Variants in THSD4 observed in about 807,000 individuals in gnomAD.
THSD4 encodes the protein thrombospondin type 1 domain containing 4.
A neutral mutation model predicts 119.0 loss-of-function variants in THSD4; 69 were observed. That is an observed-to-expected ratio of 0.58 (90% confidence interval 0.48 to 0.71). The LOEUF is 0.71. Ranked by LOEUF, THSD4 falls within the 30% of genes least tolerant of loss-of-function variation. The pLI is 0.00. For synonymous variants in THSD4, 524 were observed against 540.4 expected (o/e 0.97, Z 0.42); for missense variants, 1,393 against 1,391.1 (o/e 1.00, Z -0.02).
At chr15:71,341,393 A>G in intron 6 of THSD4, 16 of 1,612,166 alleles carry the variant, frequency 9.9e-6, no homozygotes, top group Non-Finnish European at 1.4e-5. Context: ...ATCTACATCT[A>G]AACCCTTAAG....
intron 3 of THSD4, among the ~76,000 whole-genome samples, chr15:71,173,508 G>A (rs1482378523): frequency 6.7e-6 from 1 of 150,270 alleles, no homozygotes; most frequent in Non-Finnish European, 1.5e-5. Context: ...TGGTGTAAAG[G>A]TAGGCAAATA....
chr15:71,775,649 T>A (rs1018013995), intron 17 of THSD4, among the ~76,000 whole-genome samples: 6 of 152,152 alleles, frequency 3.9e-5, no homozygotes, highest in African/African-American at 1.4e-4. Flanking sequence ...AGGCAGAGAT[T>A]GCAATGAGCT....
At chr15:71,375,209 C>A (rs2046115955) in intron 6 of THSD4, among the ~76,000 whole-genome samples, 1 of 152,198 alleles carries the variant, frequency 6.6e-6, no homozygotes, top group Admixed American at 6.5e-5. Flanking sequence ...AAGTATGTTA[C>A]AGTTTACATG....
At chr15:71,119,441 C>A (rs113060011) in intron 1 of THSD4, among the ~76,000 whole-genome samples, 1 of 152,166 alleles carries the variant, frequency 6.6e-6, no homozygotes, top group Non-Finnish European at 1.5e-5. Flanking sequence ...TGGGTTAATA[C>A]GCCACTTTAT....
At chr15:71,537,290 A>G (rs1404461164) in intron 7 of THSD4, among the ~76,000 whole-genome samples, 1 of 152,158 alleles carries the variant, frequency 6.6e-6, no homozygotes, top group Non-Finnish European at 1.5e-5. Context: ...CAACAGAAGT[A>G]GCCTTTGCAA....
chr15:71,121,640 C>T (rs1307106882), intron 1 of THSD4, among the ~76,000 whole-genome samples: 2 of 152,132 alleles, frequency 1.3e-5, no homozygotes, highest in Non-Finnish European at 2.9e-5. Flanking sequence ...TGTCAGACTA[C>T]TTGTGGGCTG....
intron 7 of THSD4, among the ~76,000 whole-genome samples, chr15:71,650,545 A>G (rs995676630): frequency 6.6e-6 from 1 of 152,176 alleles, no homozygotes; most frequent in Non-Finnish European, 1.5e-5. Flanking sequence ...AAGGAGATGA[A>G]TAACTCCTCC....
At chr15:71,401,590 C>T (rs551070085) in intron 6 of THSD4, among the ~76,000 whole-genome samples, 115 of 152,148 alleles carry the variant, frequency 7.6e-4, no homozygotes, top group Middle Eastern at 3.4e-3. Context: ...AAATGAAGAT[C>T]TTCATGAAAC....
chr15:71,475,553 T>C (rs1007761022), intron 7 of THSD4, among the ~76,000 whole-genome samples: 6 of 152,178 alleles, frequency 3.9e-5, no homozygotes, highest in Non-Finnish European at 7.3e-5. Flanking sequence ...TCTGCATTTT[T>C]AACAGGTTCT....
chr15:71,543,676 A>C (rs1443086929), intron 7 of THSD4, among the ~76,000 whole-genome samples: 2 of 152,232 alleles, frequency 1.3e-5, no homozygotes, highest in Non-Finnish European at 2.9e-5. Context: ...CCATTAGGCA[A>C]CTGGGTATAT....
chr15:71,468,208 T>C (rs111679995), intron 7 of THSD4, among the ~76,000 whole-genome samples: 2,704 of 152,306 alleles, frequency 0.018, 56 homozygotes, highest in South Asian at 0.068. Context: ...CCTGCTGCCA[T>C]GTAAGATGTG....
intron 7 of THSD4, among the ~76,000 whole-genome samples, chr15:71,555,672 A>G (rs1378903913): frequency 6.6e-6 from 1 of 152,102 alleles, no homozygotes; most frequent in African/African-American, 2.4e-5. Flanking sequence ...CTTTGTGTTA[A>G]CACTCTCTTT....
chr15:71,325,379 G>A (rs890931210), intron 6 of THSD4, among the ~76,000 whole-genome samples: 2 of 152,130 alleles, frequency 1.3e-5, no homozygotes, highest in Non-Finnish European at 2.9e-5. Flanking sequence ...CTTACCCAGT[G>A]CCAACCAGTC....
chr15:71,681,741 C>T (rs1397561771), intron 8 of THSD4, among the ~76,000 whole-genome samples: 4 of 151,308 alleles, frequency 2.6e-5, no homozygotes, highest in Non-Finnish European at 4.4e-5. Context: ...GAACTAAGAT[C>T]AAGCACCGTT....
At chr15:71,247,346 G>T (rs1048993455) in intron 5 of THSD4, among the ~76,000 whole-genome samples, 1 of 152,168 alleles carries the variant, frequency 6.6e-6, no homozygotes, top group Non-Finnish European at 1.5e-5. Flanking sequence ...TAACATTGAC[G>T]TTGATTGCGT....
intron 7 of THSD4, among the ~76,000 whole-genome samples, chr15:71,458,150 G>A (rs536087521): frequency 2.6e-5 from 4 of 152,244 alleles, no homozygotes; most frequent in African/African-American, 7.2e-5. Context: ...AATGACCATG[G>A]ATTAATTGTT....
At position 71,777,612 on chromosome 15, in the gene THSD4, GGACCTGGCATCTGCTAAT is replaced by G; in HGVS notation, c.*240_*257del. On this transcript the variant is annotated 3_prime_UTR_variant, in exon 18 of 18. Transcript: ENST00000261862. ...ACCATGTACTGATGATCCCCTCCTT[GGACCTGGCATCTGCTAAT>G]GGTGCCCTTTGAAAGTCAAGCAGTG... The G allele has an allele frequency of 1.8e-6, 1 of 551,570 alleles. No individual in the cohort carries two copies. Among genetic ancestry groups the G allele is most frequent in the Non-Finnish European group, 3.2e-6 (1 of 310,128 alleles). The allele number at this position is 551,570 out of a possible 1,614,324, so 34.2% of individuals were successfully genotyped here.
intron 6 of THSD4, among the ~76,000 whole-genome samples, chr15:71,265,651 G>T (rs2140298483): frequency 6.6e-6 from 1 of 152,214 alleles, no homozygotes; most frequent in Non-Finnish European, 1.5e-5. Flanking sequence ...GGAGCCAAGT[G>T]GTCTAGCTCA....
At chr15:71,577,902 T>A (rs1287542908) in intron 7 of THSD4, among the ~76,000 whole-genome samples, 1 of 150,518 alleles carries the variant, frequency 6.6e-6, no homozygotes, top group East Asian at 1.9e-4. Context: ...TGTGCGGTTT[T>A]AGTAGAGGTG....
Sources: gnomAD v4.1 joint callset for allele counts (sites outside exome capture counted in the v4.1 genomes callset) on GRCh38, gnomAD v4.1.1 for gene constraint, MANE v1.5 for transcripts, NCBI Gene and HGNC (gene_info 2026-07-23, HGNC 2026-07-21) for gene names.